GPR55: variants seen among roughly 807,000 people sequenced by gnomAD.
GPR55 encodes the protein G-protein coupled receptor 55.
GPR55 carries 6 observed loss-of-function variants against 7.9 expected under a neutral mutation model. That is an observed-to-expected ratio of 0.76 (90% CI 0.41 to 1.49). The LOEUF (loss-of-function observed/expected upper bound fraction) is 1.49, where lower values mean the gene tolerates loss of function less well. GPR55 is among the 40% of genes most tolerant of loss of function. The pLI is 0.01. For synonymous variants in GPR55, 183 were observed against 166.8 expected (o/e 1.10, Z -0.75); for missense variants, 376 against 406.0 (o/e 0.93, Z 0.63).
intron 1 of GPR55, among the ~76,000 whole-genome samples, chr2:230,943,018 A>G (rs574659133): frequency 6.7e-6 from 1 of 149,006 alleles, no homozygotes; most frequent in Admixed American, 7.0e-5. Context: ...AAGAGAAGAG[A>G]AGAGAAGAGG....
intron 1 of GPR55, chr2:230,957,534 G>A: frequency 2.7e-6 from 1 of 369,266 alleles, no homozygotes; most frequent in Non-Finnish European, 5.3e-6. Flanking sequence ...CGGCTGGCCG[G>A]TCTTCCTTCT....
chr2:230,910,120 G>A lies in GPR55; in HGVS notation c.843C>T (p.Cys281=). ...QLSMCFSNVN[C]CLDVFCYYFV... Reference sequence around the variant, plus strand: ...AGTAGTAGCAGAAAACATCCAGGCAGCAGTTGACGTTGGAGAAACACATGG... The same window carrying A: ...AGTAGTAGCAGAAAACATCCAGGCAACAGTTGACGTTGGAGAAACACATGG... Residue 281 remains cysteine, a synonymous_variant, in exon 2 of 2, where the codon TGC becomes TGT. Transcript: ENST00000650999. This position sits in a 1 kb window ranked among gnomAD's most constrained non-coding sequence, Gnocchi z 5.4. 6.2e-7 allele frequency: 1 copy of A among 1,614,186 alleles called. No homozygotes were observed. The highest frequency in any genetic ancestry group is 8.5e-7 in the Non-Finnish European group (1 of 1,180,022).
chr2:230,910,552 C>T lies in GPR55; in HGVS notation c.411G>A (p.Lys137=), dbSNP rs769632131. The change falls in exon 2 of 2, where the codon AAG becomes AAA. Residue 137 remains lysine, a synonymous_variant. Coordinates refer to ENST00000650999, the MANE Select transcript of GPR55 (RefSeq NM_005683.4). The surrounding 1 kb of genome is among the most constrained non-coding windows in gnomAD (Gnocchi z 5.4). ...LLVSHLRSPR[K]IFGICCTIWV... is the part of the protein sequence containing the mutation. ...AGATGGTGCAGCAGATCCCAAAGAT[C>T]TTCCTGGGGGACCGGAGGTGGCTCA... 5 of 1,614,016 alleles carry T rather than the reference C, an allele frequency of 3.1e-6. No homozygotes were observed. The East Asian group carries it at 8.9e-5, about 29-fold the overall frequency.
intron 1 of GPR55, among the ~76,000 whole-genome samples, chr2:230,921,494 G>A (rs1690834875): frequency 6.6e-6 from 1 of 152,204 alleles, no homozygotes; most frequent in Admixed American, 6.5e-5. Context: ...CCACTTAGCT[G>A]CAGTGCCATA....
chr2:230,912,642 G>A (rs2125048112), intron 1 of GPR55, among the ~76,000 whole-genome samples: 1 of 152,264 alleles, frequency 6.6e-6, no homozygotes, highest in East Asian at 1.9e-4. Flanking sequence ...TTTTCACCAT[G>A]TTGACCAGGC....
chr2:230,921,342 A>G (rs1690832137), intron 1 of GPR55, among the ~76,000 whole-genome samples: 1 of 152,232 alleles, frequency 6.6e-6, no homozygotes, highest in Non-Finnish European at 1.5e-5. Context: ...GGAGAAGTAC[A>G]TCATAAATCA....
intron 1 of GPR55, among the ~76,000 whole-genome samples, chr2:230,943,334 C>A (rs989585191): frequency 1.3e-5 from 2 of 152,180 alleles, no homozygotes; most frequent in Non-Finnish European, 2.9e-5. Flanking sequence ...TCCAGAGCAG[C>A]CCCTCCTTCC....
chr2:230,941,869 T>C (rs1691239167), intron 1 of GPR55, among the ~76,000 whole-genome samples: 1 of 152,216 alleles, frequency 6.6e-6, no homozygotes, highest in Non-Finnish European at 1.5e-5. Context: ...GCATCTTACA[T>C]TGTAAGATCT....
At chr2:230,952,141 C>T (rs760248088) in intron 1 of GPR55, among the ~76,000 whole-genome samples, 36 of 152,242 alleles carry the variant, frequency 2.4e-4, no homozygotes, top group Non-Finnish European at 4.6e-4. Context: ...CCTGAGCTCT[C>T]ATCAGGACAT....
At position 230,923,848 on chromosome 2, in the gene GPR55, C is replaced by T. The variant is rs1319606647; in HGVS notation, c.-135+1320G>A. Among the ~76,000 whole-genome samples, 1 of 152,130 alleles carries T rather than the reference C, an allele frequency of 6.6e-6. No individual in the cohort carries two copies. The highest frequency in any genetic ancestry group is 1.5e-5 in the Non-Finnish European group (1 of 68,024). Reference sequence around the variant, plus strand: ...TCTCTCCTCCTCGCTCACCCTGGCCCCCATCAGCATCACAAGCAAGAGCAT... The same window carrying T: ...TCTCTCCTCCTCGCTCACCCTGGCCTCCATCAGCATCACAAGCAAGAGCAT... On this transcript the variant is annotated intron_variant, in intron 1 of 1. Transcript: ENST00000650999. The surrounding 1 kb of genome is among the most constrained non-coding windows in gnomAD (Gnocchi z 4.1).
intron 1 of GPR55, among the ~76,000 whole-genome samples, chr2:230,920,598 T>C (rs1344927): frequency 0.3 from 45,287 of 152,054 alleles, 8,771 homozygotes; most frequent in African/African-American, 0.56. Context: ...AGAGACAAAA[T>C]GCCAGCTTCA....
rs772184101 is a variant in GPR55, at chr2:230,916,384, C to T, written c.-134-5288G>A. Among the ~76,000 whole-genome samples the T allele has an allele frequency of 2.7e-4, 40 of 148,660 alleles. 1 individual carries two copies. The highest frequency in any genetic ancestry group is 5.4e-4 in the Non-Finnish European group (36 of 67,024). Reference sequence around the variant, plus strand: ...CAAAAAAAAAACTTAATTAGTAGGGCATGGTGGCTCGTGCCTGTGGTCCCC... The same window carrying T: ...CAAAAAAAAAACTTAATTAGTAGGGTATGGTGGCTCGTGCCTGTGGTCCCC... On this transcript the variant is annotated intron_variant, in intron 1 of 1. Coordinates refer to ENST00000650999, the MANE Select transcript of GPR55 (RefSeq NM_005683.4).
At chr2:230,947,588 C>T (rs934451355) in intron 1 of GPR55, among the ~76,000 whole-genome samples, 5 of 150,970 alleles carry the variant, frequency 3.3e-5, no homozygotes, top group Admixed American at 6.6e-5. Flanking sequence ...ACTGCAGCCT[C>T]GACATCCCAG....
chr2:230,934,907 T>A (rs1691108891), intron 1 of GPR55, among the ~76,000 whole-genome samples: 1 of 152,096 alleles, frequency 6.6e-6, no homozygotes, highest in Non-Finnish European at 1.5e-5. Flanking sequence ...CCTGTTGGGT[T>A]GGGCTTCCCC....
upstream of GPR55, chr2:230,928,642 CGTTGATTTATGCCTGCCTTT>C (rs1690982620): frequency 6.6e-6 from 1 of 152,048 alleles, no homozygotes; most frequent in Non-Finnish European, 1.5e-5. Context: ...CCCCATTCCT[CGTTGATTTATGCCTGCCTTT>C]GTCTCCCCTG....
chr2:230,940,598 C>T (rs10211105), intron 1 of GPR55, among the ~76,000 whole-genome samples: 2,022 of 152,312 alleles, frequency 0.013, 44 homozygotes, highest in African/African-American at 0.045. Flanking sequence ...GGGCAGCACC[C>T]TGTGCCCTGT....
rs1574625372 is a variant in GPR55 at position 230,924,852 on chromosome 2, A to G, written c.-135+316T>C. On this transcript the variant is annotated intron_variant, in intron 1 of 1. Transcript: ENST00000650999. The surrounding 1 kb of genome is among the most constrained non-coding windows in gnomAD (Gnocchi z 4.5). ...CCCCGGGAAGGCTCCCAGGCTGCCTATGGGGAGGTTTCCCGACCCGACATG... is the reference window on the plus strand; with the variant it reads ...CCCCGGGAAGGCTCCCAGGCTGCCTGTGGGGAGGTTTCCCGACCCGACATG... Among the ~76,000 whole-genome samples the G allele has an allele frequency of 6.6e-6, 1 of 152,076 alleles. No individual in the cohort carries two copies. Among genetic ancestry groups the G allele is most frequent in the Non-Finnish European group, 1.5e-5 (1 of 68,008 alleles).
At chr2:230,958,297 G>T (rs1349159858) in intron 1 of GPR55, among the ~76,000 whole-genome samples, 2 of 152,036 alleles carry the variant, frequency 1.3e-5, no homozygotes, top group Non-Finnish European at 1.5e-5. Context: ...TATATTTATG[G>T]GATATATGAG....
Position 230,949,288 on chromosome 2 carries a change from C to T in GPR55, c.-135+11487G>A, listed in dbSNP as rs544531178. ...AAGCGATTCTCCTGCCTCAGCCTCT[C>T]GAGTAGCTGGGATTACAGGCACCTG... On this transcript the variant is annotated intron_variant, in intron 1 of 1. Transcript: ENST00000392039. Among the ~76,000 whole-genome samples, 12 of 152,190 alleles carry T rather than the reference C, an allele frequency of 7.9e-5. No homozygotes were observed. In the South Asian group the frequency reaches 2.3e-3, roughly 29 times the overall value.
Sources: allele counts gnomAD v4.1 joint callset (sites outside exome capture counted in the v4.1 genomes callset), GRCh38; gene constraint gnomAD v4.1.1; non-coding constraint Gnocchi (gnomAD v3.1); transcripts MANE v1.5; gene names NCBI Gene and HGNC (gene_info 2026-07-23, HGNC 2026-07-21).